CDH16: variants seen among roughly 807,000 people sequenced by gnomAD.
CDH16 encodes cadherin 16, also known as cadherin-16.
Under a neutral mutation model 87.6 loss-of-function variants are expected in CDH16, and 79 were observed. The observed-to-expected ratio is 0.90, with a 90% CI of 0.75 to 1.09. CDH16 has a LOEUF of 1.09. CDH16 is among the 50% of genes least tolerant of loss of function. The pLI is 0.00. For synonymous variants in CDH16, 457 were observed against 439.5 expected, an observed-to-expected ratio of 1.04 and a Z score of -0.50; for missense variants, 1,124 against 1,071.7, an observed-to-expected ratio of 1.05 and a Z score of -0.68.
chr16:66,914,430 G>A lies in CDH16; in HGVS notation c.584-18C>T, dbSNP rs765706702. On this transcript the variant is annotated intron_variant, in intron 6 of 17. Coordinates refer to ENST00000299752, the MANE Select transcript of CDH16 (RefSeq NM_004062.4). ...GGTGCTCCCTAGAACAGGGAGGATG[G>A]TCAGCTGAGCAGGCAGCCAGGGAGC... 79 of 1,600,442 alleles carry A rather than the reference G, an allele frequency of 4.9e-5. No individual in the cohort carries two copies. Among genetic ancestry groups the A allele is most frequent in the Non-Finnish European group, 6.4e-5 (75 of 1,169,146 alleles).
In CDH16 at chr16:66,916,285, AC is replaced by A; in HGVS notation, c.273del (p.Glu91AspfsTer26). 6.2e-7 allele frequency: 1 copy of A among 1,613,620 alleles called. No individual in the cohort carries two copies. Among genetic ancestry groups the A allele is most frequent in the East Asian group, 2.2e-5 (1 of 44,864 alleles). ...TGGCCCAGCCATACCTGTAGCTGGT[AC>A]TCTGCCTGCTCCTCTCGGTCCAGGG... The part of the protein sequence containing the change: ...TRALDREEQA[E>X]YQLQVTLEMQ... On this transcript the variant is annotated frameshift_variant, in exon 4 of 18. Coordinates refer to ENST00000299752, the MANE Select transcript of CDH16 (RefSeq NM_004062.4). LOFTEE classifies it high-confidence loss of function. This position sits in a 1 kb window ranked among gnomAD's most constrained non-coding sequence, Gnocchi z 4.1.
In CDH16 at chr16:66,912,843, G is replaced by C. The variant is rs764150313; in HGVS notation, c.1103C>G (p.Ser368Cys). 6.2e-7 allele frequency: 1 copy of C among 1,613,510 alleles called. No individual in the cohort carries two copies. Among genetic ancestry groups the C allele is most frequent in the East Asian group, 2.2e-5 (1 of 44,882 alleles). ...LSAEDADAPG[S>C]PNSHVVYQLL... ...CTGATACACAACGTGGGAATTGGGG[G>C]AGCCGGGGGCATCTGCATCCTCTGC... Residue 368 changes from serine to cysteine, a missense_variant, in exon 10 of 18, where the codon TCC becomes TGC. Coordinates refer to ENST00000299752, the MANE Select transcript of CDH16 (RefSeq NM_004062.4).
Position 66,915,344 on chromosome 16 carries a change from CCGGTCTGAAG to C in CDH16, c.449_458del (p.Ala150GlyfsTer16), listed in dbSNP as rs1962632314. ...CCGAGTTGGCTGTGCCTGGCTCATC[CCGGTCTGAAG>C]CCTCAAGGAAGAGGAAGGGGATGCC... On this transcript the variant is annotated frameshift_variant, in exon 6 of 18. Coordinates refer to ENST00000299752, the MANE Select transcript of CDH16 (RefSeq NM_004062.4). LOFTEE classifies it high-confidence loss of function. 1.9e-6 allele frequency: 3 copies of C among 1,613,930 alleles called. No homozygotes were observed. Among genetic ancestry groups the C allele is most frequent in the Non-Finnish European group, 2.5e-6 (3 of 1,179,984 alleles).
intron 3 of CDH16, 137 bp downstream of exon 3, chr16:66,917,505 A>G (rs1345503317): frequency 1.6e-5 from 11 of 689,876 alleles, no homozygotes; most frequent in Non-Finnish European, 2.6e-5. Context: ...GGGACACTCA[A>G]CCTGTGTAAC....
At chr16:66,910,968 G>T in intron 14 of CDH16, 1 of 529,420 alleles carries the variant, frequency 1.9e-6, no homozygotes, top group Non-Finnish European at 3.3e-6. Flanking sequence ...CAATCTAGGA[G>T]AATGATCAGA....
chr16:66,909,314 G>T lies in CDH16; in HGVS notation c.2345C>A (p.Thr782Lys). 6.2e-7 allele frequency: 1 copy of T among 1,613,798 alleles called. No homozygotes were observed. Among genetic ancestry groups the T allele is most frequent in the Non-Finnish European group, 8.5e-7 (1 of 1,179,928 alleles). Residue 782 changes from threonine (T) to lysine (K), a missense_variant, in exon 17 of 18, where the codon ACG becomes AAG. Coordinates refer to ENST00000299752, the MANE Select transcript of CDH16 (RefSeq NM_004062.4). The surrounding 1 kb of genome is among the most constrained non-coding windows in gnomAD (Gnocchi z 4.1). ...AAGGATGCCCACTGCCGACAGCTTC[G>T]TGGGCATGCCCTTCATGCGGCCCAC... ...RKVGRMKGMPTKLSAVGILVG... is the reference protein window; with the variant it reads ...RKVGRMKGMPKKLSAVGILVG...
chr16:66,916,321 C>G lies in CDH16; in HGVS notation c.238G>C (p.Val80Leu), dbSNP rs751430953. The G allele has an allele frequency of 6.2e-7, 1 of 1,614,142 alleles. No individual in the cohort carries two copies. Among genetic ancestry groups the G allele is most frequent in the East Asian group, 2.2e-5 (1 of 44,892 alleles). The change falls in exon 4 of 18, where the codon GTG becomes CTG. Residue 80 changes from valine to leucine, a missense_variant. Physicochemically the swap from Val to Leu is conservative, Grantham distance 32. Coordinates refer to ENST00000299752, the MANE Select transcript of CDH16 (RefSeq NM_004062.4). This position sits in a 1 kb window ranked among gnomAD's most constrained non-coding sequence, Gnocchi z 4.1. ...AMDPDSGFLL[V>L]TRALDREEQA... ...TCCTCTCGGTCCAGGGCCCTGGTCACCAGCAGGAAGCCAGAATCTGGATCC... is the reference window on the plus strand; with the variant it reads ...TCCTCTCGGTCCAGGGCCCTGGTCAGCAGCAGGAAGCCAGAATCTGGATCC...
rs368985190 is a variant in CDH16 at position 66,912,597 on chromosome 16, C to T, written c.1283-17G>A. ...TGCTGAAGCCTAGGGCAGAGGTGGA[C>T]GTGTTGGTGAGGTCAGGGTAGGAAC... On this transcript the variant is annotated splice_polypyrimidine_tract_variant and intron_variant, in intron 10 of 17. Coordinates refer to ENST00000299752, the MANE Select transcript of CDH16 (RefSeq NM_004062.4). The T allele has an allele frequency of 4.3e-5, 69 of 1,614,040 alleles. 1 individual carries two copies. The highest frequency in any genetic ancestry group is 2.8e-4 in the African/African-American group (21 of 74,914).
In CDH16 at chr16:66,911,321, G is replaced by A. The variant is rs778798558; in HGVS notation, c.1791-6C>T. ...AGTCATTGACTAGGGAGAACCTGCC[G>A]CCCAAAGAAGGAGGTGAGGAGGTAC... On this transcript the variant is annotated splice_region_variant and splice_polypyrimidine_tract_variant and intron_variant, in intron 13 of 17. Coordinates refer to ENST00000299752, the MANE Select transcript of CDH16 (RefSeq NM_004062.4). The A allele has an allele frequency of 1.4e-5, 23 of 1,612,556 alleles. No homozygotes were observed. The highest frequency in any genetic ancestry group is 1.6e-4 in the Middle Eastern group (1 of 6,076).
At position 66,908,355 on chromosome 16, in the gene CDH16, C is replaced by A; in HGVS notation, c.*37G>T. 6.4e-7 allele frequency: 1 copy of A among 1,556,060 alleles called. No homozygotes were observed. Among genetic ancestry groups the A allele is most frequent in the Non-Finnish European group, 8.9e-7 (1 of 1,129,002 alleles). Reference sequence around the variant, plus strand: ...CTCTCCCAGGGGACTCAGATGGAGCCAGAGGCCAAGCTCCCAGCTAGAGCT... The same window carrying A: ...CTCTCCCAGGGGACTCAGATGGAGCAAGAGGCCAAGCTCCCAGCTAGAGCT... On this transcript the variant is annotated 3_prime_UTR_variant, in exon 18 of 18. Coordinates refer to ENST00000299752, the MANE Select transcript of CDH16 (RefSeq NM_004062.4).
At position 66,911,962 on chromosome 16, in the gene CDH16, C is replaced by T. The variant is rs1962437188; in HGVS notation, c.1727G>A (p.Ser576Asn). ...QESYEASVPISAPAGSFLLTI... is the reference protein window; with the variant it reads ...QESYEASVPINAPAGSFLLTI... ...CAGCAGGAAAGAGCCGGCTGGGGCA[C>T]TGATGGGGACACTGGCCTCGTAGCT... The change falls in exon 13 of 18, where the codon AGT (serine) becomes AAT (asparagine). Residue 576 changes from serine (S) to asparagine (N), a missense_variant. Ser to Asn is a conservative substitution (Grantham distance 46). Transcript: ENST00000299752. 1 of 1,613,808 alleles carries T rather than the reference C, an allele frequency of 6.2e-7. No homozygotes were observed. The highest frequency in any genetic ancestry group is 8.5e-7 in the Non-Finnish European group (1 of 1,179,810).
rs762634273 is a variant in CDH16 at position 66,912,345 on chromosome 16, G to T, written c.1445C>A (p.Ala482Asp). The T allele has an allele frequency of 3.7e-6, 6 of 1,614,062 alleles. No homozygotes were observed. The South Asian group carries it at 6.6e-5, about 18-fold the overall frequency. ...AATGGCAAAATCCATGAGGCGGAAG[G>T]CGGGCTCGAGGTCAGCATCAATGGC... is the stretch of plus-strand genomic sequence containing the variant. ...LTAIDADLEP[A>D]FRLMDFAIER... is the part of the protein sequence containing the mutation. The change falls in exon 12 of 18, where the codon GCC (alanine) becomes GAC (aspartate). Residue 482 changes from alanine to aspartate, a missense_variant. Physicochemically the swap from Ala to Asp is moderately radical, Grantham distance 126 (BLOSUM62 -2). Transcript: ENST00000299752.
chr16:66,912,786 T>C lies in CDH16; in HGVS notation c.1160A>G (p.Glu387Gly), dbSNP rs1171037356. Residue 387 changes from glutamate to glycine, a missense_variant, in exon 10 of 18, where the codon GAG becomes GGG. Physicochemically the swap from Glu to Gly is moderately conservative, Grantham distance 98 (BLOSUM62 -2). Coordinates refer to ENST00000299752, the MANE Select transcript of CDH16 (RefSeq NM_004062.4). ...GGGGTCCACCTGGAAGGCTCTCCCC[T>C]CTACCCCATCCTCAGGCTCAGGGCT... ...LLSPEPEDGV[E>G]GRAFQVDPTS... 3.7e-6 allele frequency: 6 copies of C among 1,613,534 alleles called. No individual in the cohort carries two copies. The African/African-American group carries it at 8.0e-5, about 22-fold the overall frequency.
At chr16:66,917,807 C>T in intron 2 of CDH16, 82 bp from the exon 3 acceptor site, 7 of 1,286,840 alleles carry the variant, frequency 5.4e-6, no homozygotes, top group South Asian at 5.4e-5. Context: ...GGAATTTCCG[C>T]CCCTTCCCAG....
intron 5 of CDH16, 77 bp from the exon 6 acceptor site, chr16:66,915,455 TCTGTCCTTTCTTCC>T (rs1423541711): frequency 3.3e-5 from 48 of 1,463,760 alleles, no homozygotes; most frequent in Non-Finnish European, 4.3e-5. Context: ...CTATTTCTCC[TCTGTCCTTTCTTCC>T]CTATCCATTA....
In CDH16 at chr16:66,910,545, G is replaced by A. The variant is rs750806186; in HGVS notation, c.1925-43C>T. The A allele has an allele frequency of 2.3e-5, 34 of 1,459,666 alleles. No homozygotes were observed. In the East Asian group the frequency reaches 6.9e-4, roughly 30 times the overall value. 90.4% of individuals were successfully genotyped at this position (1,459,666 alleles called of 1,614,324 possible). On this transcript the variant is annotated intron_variant, in intron 14 of 17. Transcript: ENST00000299752. ...CTGAGCTGGCCAGGTGTTGCCAGGG[G>A]GAGGGTGAGCTCTGAGGTCCCTGGG...
In CDH16 at chr16:66,916,334, AG is replaced by A; in HGVS notation, c.224del (p.Ser75LeufsTer6). 6.2e-7 allele frequency: 1 copy of A among 1,614,168 alleles called. No homozygotes were observed. The highest frequency in any genetic ancestry group is 8.5e-7 in the Non-Finnish European group (1 of 1,179,986). ...GGGCCCTGGTCACCAGCAGGAAGCC[AG>A]AATCTGGATCCATAGCAAATGGGCC... ...TEGPFAMDPD[S>X]GFLLVTRALD... On this transcript the variant is annotated frameshift_variant, in exon 4 of 18. Coordinates refer to ENST00000299752, the MANE Select transcript of CDH16 (RefSeq NM_004062.4). LOFTEE classifies it high-confidence loss of function. This position sits in a 1 kb window ranked among gnomAD's most constrained non-coding sequence, Gnocchi z 4.1.
In CDH16 at chr16:66,915,208, G is replaced by A. The variant is rs765157616; in HGVS notation, c.583+12C>T. 1.3e-5 allele frequency: 20 copies of A among 1,597,654 alleles called. No individual in the cohort carries two copies. The highest frequency in any genetic ancestry group is 2.0e-4 in the Middle Eastern group (1 of 4,894). ...TGACCCTCCCTCCCCAGCACACCCC[G>A]CTCGGGCTTACCCTTGGGGCTGAGG... On this transcript the variant is annotated intron_variant, in intron 6 of 17. Transcript: ENST00000299752.
chr16:66,918,424 G>T (rs1337503502), intron 1 of CDH16, among the ~76,000 whole-genome samples: 1 of 152,256 alleles, frequency 6.6e-6, no homozygotes, highest in Non-Finnish European at 1.5e-5. Context: ...AAGCTGGAAA[G>T]TTCCTGAAGA....
Sources: allele counts gnomAD v4.1 joint callset (sites outside exome capture counted in the v4.1 genomes callset), GRCh38; gene constraint gnomAD v4.1.1; non-coding constraint Gnocchi (gnomAD v3.1); transcripts MANE v1.5; gene names NCBI Gene and HGNC (gene_info 2026-07-23, HGNC 2026-07-21).